The following CADPS variants were observed in gnomAD, a reference collection of about 807,000 sequenced individuals.
CADPS encodes the protein calcium dependent secretion activator.
Under a neutral mutation model 167.3 loss-of-function variants are expected in CADPS, and 57 were observed. That is an observed-to-expected ratio of 0.34 (90% confidence interval 0.28 to 0.42). The LOEUF (loss-of-function observed/expected upper bound fraction) is 0.42, where lower values mean the gene tolerates loss of function less well. Among genes scored for constraint, CADPS ranks in the 20% least tolerant of loss-of-function variants. The probability of loss-of-function intolerance (pLI) is 1.00; values close to 1 mark genes in which losing one functional copy is unlikely to be tolerated. For missense variants in CADPS, 1,414 were observed against 1,738.1 expected (o/e 0.81, Z 3.32); for synonymous variants, 676 against 635.3 (o/e 1.06, Z -0.96).
chr3:62,841,988 A>T (rs958246511), intron 1 of CADPS, among the ~76,000 whole-genome samples: 1 of 152,234 alleles, frequency 6.6e-6, no homozygotes, highest in Non-Finnish European at 1.5e-5. Flanking sequence ...ACGAATGTAG[A>T]TTTAGCCACA....
intron 11 of CADPS, among the ~76,000 whole-genome samples, chr3:62,539,524 AT>A (rs1328714386): frequency 1.4e-5 from 2 of 147,470 alleles, no homozygotes; most frequent in Non-Finnish European, 3.0e-5. Flanking sequence ...TTATTATGTT[AT>A]AAAAAAAAAA....
chr3:62,811,804 C>G (rs959358024), intron 1 of CADPS, among the ~76,000 whole-genome samples: 9 of 152,038 alleles, frequency 5.9e-5, no homozygotes, highest in Non-Finnish European at 1.3e-4. Context: ...CTCTAAATGT[C>G]GTAATTTAAG....
At position 62,399,705 on chromosome 3, in the gene CADPS, AT is replaced by A. The variant is rs2148982607; in HGVS notation, c.3883-121del. The A allele has an allele frequency of 4.2e-6, 3 of 717,840 alleles. No homozygotes were observed. The highest frequency in any genetic ancestry group is 5.2e-5 in the Admixed American group (2 of 38,332). The allele number at this position is 717,840 out of a possible 1,614,324, so 44.5% of individuals were successfully genotyped here. A position where few individuals can be genotyped will look rare whatever the true frequency, so the allele number is the denominator to read the frequency against. On this transcript the variant is annotated intron_variant, in intron 29 of 29. Coordinates refer to ENST00000383710, the MANE Select transcript of CADPS (RefSeq NM_003716.4). This position sits in a 1 kb window ranked among gnomAD's most constrained non-coding sequence, Gnocchi z 5.6. ...TTCAGCTAAATATCACACTTTATGC[AT>A]TGTCAAATAAAAAGCCACTGTGCTT...
At chr3:62,641,507 T>C (rs1465237809) in intron 6 of CADPS, among the ~76,000 whole-genome samples, 1 of 152,138 alleles carries the variant, frequency 6.6e-6, no homozygotes, top group Non-Finnish European at 1.5e-5. Context: ...GAAAATATAT[T>C]CCAAATGCTT....
intron 7 of CADPS, among the ~76,000 whole-genome samples, chr3:62,589,527 A>C (rs1361508743): frequency 6.6e-6 from 1 of 152,178 alleles, no homozygotes; most frequent in Non-Finnish European, 1.5e-5. Flanking sequence ...TGTAGTGCAA[A>C]TAGCCCTGGA....
At chr3:62,694,070 T>C (rs561724195) in intron 3 of CADPS, among the ~76,000 whole-genome samples, 1 of 152,192 alleles carries the variant, frequency 6.6e-6, no homozygotes, top group South Asian at 2.1e-4. Context: ...AGGTACTCAG[T>C]GGCCATGGTG....
chr3:62,754,746 AAC>A (rs1211057695), intron 2 of CADPS, among the ~76,000 whole-genome samples: 1 of 152,148 alleles, frequency 6.6e-6, no homozygotes, highest in Non-Finnish European at 1.5e-5. Flanking sequence ...TAATGTGTAA[AAC>A]ACACATAAAA....
chr3:62,427,757 A>G (rs763537840), intron 28 of CADPS, among the ~76,000 whole-genome samples: 16 of 152,214 alleles, frequency 1.1e-4, no homozygotes, highest in Non-Finnish European at 1.9e-4. Flanking sequence ...AATTTTCTGA[A>G]CAAAAGGGAG....
intron 3 of CADPS, among the ~76,000 whole-genome samples, chr3:62,714,407 T>TA (rs779244365): frequency 6.9e-4 from 105 of 152,324 alleles, no homozygotes; most frequent in East Asian, 3.9e-4. Flanking sequence ...CCCTTCCACT[T>TA]ACTGTTTTGG....
chr3:62,626,544 A>T, intron 6 of CADPS: 1 of 702,882 alleles, frequency 1.4e-6, no homozygotes. Flanking sequence ...ACTGTGAGGC[A>T]GTTGTTCTCT....
intron 13 of CADPS, among the ~76,000 whole-genome samples, chr3:62,523,891 C>T (rs1291206050): frequency 2.6e-5 from 4 of 152,162 alleles, no homozygotes; most frequent in South Asian, 2.1e-4. Context: ...GCCTGCAGAC[C>T]GCATGATGGA....
intron 1 of CADPS, chr3:62,779,626 T>C: frequency 1.9e-6 from 1 of 534,092 alleles, no homozygotes; most frequent in Non-Finnish European, 3.8e-6. Context: ...GTGAGCTGCA[T>C]GCATTTTAAA....
At chr3:62,631,523 T>C (rs1420686759) in intron 6 of CADPS, among the ~76,000 whole-genome samples, 1 of 152,200 alleles carries the variant, frequency 6.6e-6, no homozygotes, top group Admixed American at 6.6e-5. Flanking sequence ...CCACGCAAGA[T>C]CCTGCACAAA....
intron 1 of CADPS, among the ~76,000 whole-genome samples, chr3:62,766,952 G>A (rs561151000): frequency 6.6e-6 from 1 of 152,158 alleles, no homozygotes; most frequent in African/African-American, 2.4e-5. Context: ...AGTTTTCCCA[G>A]GGCATAGCTA....
chr3:62,616,715 G>A (rs1002269362), intron 6 of CADPS, among the ~76,000 whole-genome samples: 1 of 152,104 alleles, frequency 6.6e-6, no homozygotes, highest in Non-Finnish European at 1.5e-5. Context: ...TATGGTATAT[G>A]TGCAACAGTC....
At chr3:62,423,910 A>G (rs897596214) in intron 28 of CADPS, among the ~76,000 whole-genome samples, 1 of 152,258 alleles carries the variant, frequency 6.6e-6, no homozygotes, top group Non-Finnish European at 1.5e-5. Context: ...TACATTTAGA[A>G]AACTCTAAAT....
At chr3:62,594,198 G>C (rs2148860436) in intron 6 of CADPS, among the ~76,000 whole-genome samples, 1 of 136,130 alleles carries the variant, frequency 7.3e-6, no homozygotes, top group East Asian at 2.2e-4. Flanking sequence ...GTCTCGCTCT[G>C]TCGCCCAGGC....
At chr3:62,430,639 C>T (rs938048052) in intron 28 of CADPS, among the ~76,000 whole-genome samples, 1 of 152,022 alleles carries the variant, frequency 6.6e-6, no homozygotes, top group African/African-American at 2.4e-5. Context: ...AAACTTAACT[C>T]CCTAATAAGG....
intron 3 of CADPS, among the ~76,000 whole-genome samples, chr3:62,680,244 G>A (rs1876254): frequency 0.25 from 37,296 of 151,936 alleles, 5,090 homozygotes; most frequent in Non-Finnish European, 0.31. Context: ...TTGAAAGAGT[G>A]GCTTCATGTC....
Sources: allele counts gnomAD v4.1 joint callset (sites outside exome capture counted in the v4.1 genomes callset), GRCh38; gene constraint gnomAD v4.1.1; non-coding constraint Gnocchi (gnomAD v3.1); transcripts MANE v1.5; gene names NCBI Gene and HGNC (gene_info 2026-07-23, HGNC 2026-07-21).